Variants in MVK observed in about 807,000 individuals in gnomAD.
The protein encoded by MVK is mevalonate kinase.
In MVK, 34 loss-of-function variants were observed where a neutral mutation model predicts 43.2. The ratio of observed to expected loss-of-function variants is 0.79; its 90% CI spans 0.60 to 1.05. The LOEUF (loss-of-function observed/expected upper bound fraction) is 1.05, where lower values mean the gene tolerates loss of function less well. Ranked by LOEUF, MVK falls within the 50% of genes least tolerant of loss-of-function variation. The probability of loss-of-function intolerance (pLI) is 0.00; values close to 1 mark genes in which losing one functional copy is unlikely to be tolerated. For synonymous variants in MVK, 190 were observed against 219.8 expected (o/e 0.86, Z 1.20); for missense variants, 395 against 504.0 (o/e 0.78, Z 2.07).
intron 5 of MVK, 126 bp from the exon 6 acceptor site, chr12:109,585,896 C>T: frequency 1.3e-6 from 1 of 766,020 alleles, no homozygotes; most frequent in Admixed American, 2.0e-5. Flanking sequence ...TCAGAGTGGA[C>T]TTGTTCTTTC....
chr12:109,593,525 G>A (rs567551296), intron 9 of MVK, among the ~76,000 whole-genome samples: 4 of 152,280 alleles, frequency 2.6e-5, no homozygotes, highest in South Asian at 2.1e-4. Flanking sequence ...AGGCAGACCC[G>A]CCTTCCAGTG....
intron 3 of MVK, among the ~76,000 whole-genome samples, chr12:109,578,431 CCAGGCACTAAGTGTGT>C (rs1885061426): frequency 7.4e-6 from 1 of 135,318 alleles, no homozygotes; most frequent in African/African-American, 3.0e-5. Flanking sequence ...CTTACGTGTG[CCAGGCACTAAGTGTGT>C]TCACATATGT....
upstream of MVK, chr12:109,573,439 G>T (rs1248896950): frequency 6.2e-7 from 1 of 1,606,720 alleles, no homozygotes; most frequent in Non-Finnish European, 8.5e-7. Context: ...GGCCAAGACG[G>T]CTCCCCAGGC....
In MVK at chr12:109,597,219, G is replaced by T. The variant is rs1885963393; in HGVS notation, c.*642G>T. The T allele has an allele frequency of 6.4e-6, 1 of 157,386 alleles. No homozygotes were observed. Among genetic ancestry groups the T allele is most frequent in the South Asian group, 1.8e-4 (1 of 5,422 alleles). 9.7% of individuals were successfully genotyped at this position (157,386 alleles called of 1,614,324 possible). On this transcript the variant is annotated 3_prime_UTR_variant, in exon 11 of 11. Coordinates refer to ENST00000228510, the MANE Select transcript of MVK (RefSeq NM_000431.4). ...CTTCCGATCTGTACCTGAGAGGTTT[G>T]TGGAAAAGATGGCAAATGGGGAATA...
At chr12:109,575,000 A>T in intron 2 of MVK, 100 bp downstream of exon 2, 1 of 1,133,076 alleles carries the variant, frequency 8.8e-7, no homozygotes, top group Non-Finnish European at 1.3e-6. Context: ...GCTTGGGAGC[A>T]GATCAGAGAG....
At position 109,596,670 on chromosome 12, in the gene MVK, C is replaced by T; in HGVS notation, c.*93C>T. ...GACTCTGTGCTGGCCAGCGAGCGCC[C>T]AGCTCCTGACACTGCTGGAGAGGCC... On this transcript the variant is annotated 3_prime_UTR_variant, in exon 11 of 11. Coordinates refer to ENST00000228510, the MANE Select transcript of MVK (RefSeq NM_000431.4). 5 of 1,516,668 alleles carry T rather than the reference C, an allele frequency of 3.3e-6. No individual in the cohort carries two copies. In the South Asian group the frequency reaches 4.6e-5, roughly 14 times the overall value. The allele number at this position is 1,516,668 out of a possible 1,614,324, so 94.0% of individuals were successfully genotyped here.
At chr12:109,580,639 T>A (rs1336829075) in intron 4 of MVK, among the ~76,000 whole-genome samples, 2 of 151,972 alleles carry the variant, frequency 1.3e-5, no homozygotes, top group African/African-American at 4.8e-5. Flanking sequence ...CCAGGCTGGG[T>A]GGGGTGGGTA....
In MVK at chr12:109,595,098, G is replaced by C. The variant is rs755910076; in HGVS notation, c.956G>C (p.Cys319Ser). ...GGCCACGCCTCTCTGGACCAGCTCT[G>C]CCAGGTGACCAGGGCCCGCGGACTT... ...GVGHASLDQLCQVTRARGLHS... is the reference protein window; with the variant it reads ...GVGHASLDQLSQVTRARGLHS... Residue 319 changes from cysteine to serine, a missense_variant, in exon 10 of 11, where the codon TGC becomes TCC. Cys to Ser is a moderately radical substitution (Grantham distance 112, BLOSUM62 -1). Transcript: ENST00000228510. The surrounding 1 kb of genome is among the most constrained non-coding windows in gnomAD (Gnocchi z 5.9). 18 of 1,614,212 alleles carry C rather than the reference G, an allele frequency of 1.1e-5. No individual in the cohort carries two copies. Among genetic ancestry groups the C allele is most frequent in the Non-Finnish European group, 1.4e-5 (17 of 1,180,044 alleles).
At chr12:109,590,963 G>A in intron 8 of MVK, 102 bp downstream of exon 8, 1 of 1,254,300 alleles carries the variant, frequency 8.0e-7, no homozygotes, top group Non-Finnish European at 1.1e-6. Flanking sequence ...TAGGGGGTGT[G>A]GTGGGTGGTG....
chr12:109,580,072 A>G, intron 4 of MVK, 126 bp downstream of exon 4: 7 of 1,418,692 alleles, frequency 4.9e-6, no homozygotes, highest in Non-Finnish European at 6.8e-6. Flanking sequence ...GGCTGTCCTC[A>G]TCATGTGCCA....
chr12:109,574,871 C>A lies in MVK; in HGVS notation c.49C>A (p.His17Asn). 1 of 1,610,074 alleles carries A rather than the reference C, an allele frequency of 6.2e-7. No homozygotes were observed. Among genetic ancestry groups the A allele is most frequent in the East Asian group, 2.2e-5 (1 of 44,848 alleles). Reference sequence around the variant, plus strand: ...GTCTGCTCCGGGGAAAGTCATCCTTCATGGAGAACATGCCGTGGTACATGG... The same window carrying A: ...GTCTGCTCCGGGGAAAGTCATCCTTAATGGAGAACATGCCGTGGTACATGG... ...LVSAPGKVILHGEHAVVHGKV... is the reference protein window; with the variant it reads ...LVSAPGKVILNGEHAVVHGKV... Residue 17 changes from histidine (H) to asparagine (N), a missense_variant, in exon 2 of 11, where the codon CAT (histidine) becomes AAT (asparagine). By Grantham distance (68) the His-to-Asn change is moderately conservative. Transcript: ENST00000228510.
At chr12:109,573,656 C>T (rs1160782885), upstream of MVK, 2 of 778,570 alleles carry the variant, frequency 2.6e-6, no homozygotes, top group Non-Finnish European at 2.1e-6. Context: ...ACGGAAGGAG[C>T]GGGGCGGGAA....
At position 109,575,999 on chromosome 12, in the gene MVK, T is replaced by G. The variant is rs770136482; in HGVS notation, c.80T>G (p.Val27Gly). 7.4e-6 allele frequency: 12 copies of G among 1,614,202 alleles called. No individual in the cohort carries two copies. The highest frequency in any genetic ancestry group is 1.0e-5 in the Non-Finnish European group (12 of 1,180,040). Residue 27 changes from valine to glycine, a missense_variant and splice_region_variant, in exon 3 of 11, where the codon GTA becomes GGA. By Grantham distance (109) the Val-to-Gly change is moderately radical. Coordinates refer to ENST00000228510, the MANE Select transcript of MVK (RefSeq NM_000431.4). ...HGEHAVVHGK[V>G]ALAVSLNLRT... ...TTGCTTTTGTCATTTATTCTATAGGTAGCACTGGCTGTATCCTTGAACTTG... is the reference window on the plus strand; with the variant it reads ...TTGCTTTTGTCATTTATTCTATAGGGAGCACTGGCTGTATCCTTGAACTTG...
intron 1 of MVK, 49 bp from the exon 2 acceptor site, chr12:109,574,760 G>C: frequency 1.4e-6 from 2 of 1,459,694 alleles, no homozygotes; most frequent in South Asian, 1.2e-5. Context: ...CTTCCTGCTG[G>C]TTCTGACATC....
intron 3 of MVK, among the ~76,000 whole-genome samples, chr12:109,576,894 A>G (rs1022562591): frequency 1.3e-5 from 2 of 152,108 alleles, no homozygotes; most frequent in African/African-American, 4.8e-5. Flanking sequence ...AAAATTTAAT[A>G]AAAGTACAAG....
intron 9 of MVK, 66 bp from the exon 10 acceptor site, chr12:109,594,961 CA>C: frequency 1.2e-6 from 2 of 1,601,430 alleles, no homozygotes; most frequent in Non-Finnish European, 1.7e-6. Context: ...GAGGCAGGCT[CA>C]GGGGTGGGCA....
At chr12:109,579,714 T>G (rs1217430150) in intron 3 of MVK, 88 bp from the exon 4 acceptor site, 1 of 1,550,270 alleles carries the variant, frequency 6.5e-7, no homozygotes, top group Non-Finnish European at 8.9e-7. Context: ...CCAATTCCAG[T>G]GACTAGTCGA....
chr12:109,577,584 TG>T (rs1375863425), intron 3 of MVK, among the ~76,000 whole-genome samples: 2 of 152,218 alleles, frequency 1.3e-5, no homozygotes, highest in African/African-American at 4.8e-5. Context: ...CCCAAAGTGC[TG>T]GGGTTACAGG....
rs1470759465 is a variant in MVK at position 109,596,500 on chromosome 12, A to G, written c.1114A>G (p.Ile372Val). 1.2e-6 allele frequency: 2 copies of G among 1,613,444 alleles called. No individual in the cohort carries two copies. The highest frequency in any genetic ancestry group is 1.7e-6 in the Non-Finnish European group (2 of 1,179,932). ...SCGFDCLETS[I>V]GAPGVSIHSA... ...TGGCTTTGACTGCTTGGAAACCAGCATCGGTGCCCCCGGCGTCTCCATCCA... is the reference window on the plus strand; with the variant it reads ...TGGCTTTGACTGCTTGGAAACCAGCGTCGGTGCCCCCGGCGTCTCCATCCA... The change falls in exon 11 of 11, where the codon ATC (isoleucine) becomes GTC (valine). Residue 372 changes from isoleucine (I) to valine (V), a missense_variant. Ile to Val is a conservative substitution (Grantham distance 29). Coordinates refer to ENST00000228510, the MANE Select transcript of MVK (RefSeq NM_000431.4).
Sources: gnomAD v4.1 joint callset for allele counts (sites outside exome capture counted in the v4.1 genomes callset) on GRCh38, gnomAD v4.1.1 for gene constraint, Gnocchi (gnomAD v3.1) non-coding constraint, MANE v1.5 for transcripts, NCBI Gene and HGNC (gene_info 2026-07-23, HGNC 2026-07-21) for gene names.